The following RIMS3 variants were observed in gnomAD, a reference collection of about 807,000 sequenced individuals.
RIMS3 encodes the protein regulating synaptic membrane exocytosis 3.
Under a neutral mutation model 29.2 loss-of-function variants are expected in RIMS3, and 15 were observed. The ratio of observed to expected loss-of-function variants is 0.51; its 90% CI spans 0.34 to 0.79. RIMS3 has a LOEUF of 0.79. RIMS3 is among the 30% of genes least tolerant of loss of function. The pLI, the probability that RIMS3 is intolerant of heterozygous loss-of-function variation, is 0.01. For missense variants in RIMS3, 342 were observed against 421.4 expected, an observed-to-expected ratio of 0.81 and a Z score of 1.65; for synonymous variants, 161 against 170.1, an observed-to-expected ratio of 0.95 and a Z score of 0.41.
At chr1:40,651,256 T>C (rs2148355830) in intron 1 of RIMS3, among the ~76,000 whole-genome samples, 1 of 152,228 alleles carries the variant, frequency 6.6e-6, no homozygotes, top group South Asian at 2.1e-4. Context: ...ATATAACCAG[T>C]GTCCTTATAG....
intron 4 of RIMS3, among the ~76,000 whole-genome samples, chr1:40,633,810 C>A (rs1646504252): frequency 6.6e-6 from 1 of 152,192 alleles, no homozygotes; most frequent in Non-Finnish European, 1.5e-5. Context: ...TGGGTTATAT[C>A]TTTTAATCCT....
chr1:40,623,506 C>T lies in RIMS3; in HGVS notation c.*3011G>A, dbSNP rs1175635608. On this transcript the variant is annotated 3_prime_UTR_variant, in exon 8 of 8. Coordinates refer to ENST00000372684, the MANE Select transcript of RIMS3 (RefSeq NM_014747.3). ...TCTGCCATATGCACAGTGAACCTCG[C>T]CTGACCAGAGGAGGTGGAATGACAA... 1 of 398,546 alleles carries T rather than the reference C, an allele frequency of 2.5e-6. No individual in the cohort carries two copies. The highest frequency in any genetic ancestry group is 2.1e-5 in the African/African-American group (1 of 48,618). The allele number at this position is 398,546 out of a possible 1,614,324, so 24.7% of individuals were successfully genotyped here.
At chr1:40,638,703 A>G (rs1646537094) in intron 3 of RIMS3, among the ~76,000 whole-genome samples, 1 of 152,042 alleles carries the variant, frequency 6.6e-6, no homozygotes, top group South Asian at 2.1e-4. Context: ...GTGTAGACCC[A>G]GCCAATTGCC....
chr1:40,654,199 G>A lies in RIMS3; in HGVS notation c.-206-6357C>T, dbSNP rs533417749. Among the ~76,000 whole-genome samples the A allele has an allele frequency of 2.1e-5, 3 of 141,596 alleles. No homozygotes were observed. The highest frequency in any genetic ancestry group is 4.8e-4 in the East Asian group (2 of 4,166). The allele number at this position is 141,596 out of a possible 152,430, so 92.9% of individuals were successfully genotyped here. On this transcript the variant is annotated intron_variant, in intron 1 of 7. Coordinates refer to ENST00000372684, the MANE Select transcript of RIMS3 (RefSeq NM_014747.3). This position sits in a 1 kb window ranked among gnomAD's most constrained non-coding sequence, Gnocchi z 5.3. ...CCTCCCCCGCGCCGCTGACGAGGCCGGATCAATATTTCATGGGGGGAAGGG... is the reference window on the plus strand; with the variant it reads ...CCTCCCCCGCGCCGCTGACGAGGCCAGATCAATATTTCATGGGGGGAAGGG...
intron 1 of RIMS3, among the ~76,000 whole-genome samples, chr1:40,662,012 G>A (rs1486760224): frequency 2.0e-5 from 3 of 152,184 alleles, no homozygotes; most frequent in Non-Finnish European, 4.4e-5. Context: ...CGAGGCTGCT[G>A]CACAGGGAAA....
At chr1:40,640,513 G>A (rs982794651) in intron 3 of RIMS3, among the ~76,000 whole-genome samples, 2 of 152,266 alleles carry the variant, frequency 1.3e-5, no homozygotes, top group South Asian at 4.1e-4. Flanking sequence ...ATTCTCCCTG[G>A]ATCCTCCGGA....
In RIMS3 at chr1:40,623,775, A is replaced by G; in HGVS notation, c.*2742T>C. 1 of 369,456 alleles carries G rather than the reference A, an allele frequency of 2.7e-6. No individual in the cohort carries two copies. The highest frequency in any genetic ancestry group is 4.8e-6 in the Non-Finnish European group (1 of 208,224). 22.9% of individuals were successfully genotyped at this position (369,456 alleles called of 1,614,324 possible). A position where few individuals can be genotyped will look rare whatever the true frequency, so the allele number is the denominator to read the frequency against. ...CTAGGTCCAGAGTGGCTTTTCAGAC[A>G]AGCCCCTGCATCCATGATGCTGAGA... On this transcript the variant is annotated 3_prime_UTR_variant, in exon 8 of 8. Coordinates refer to ENST00000372684, the MANE Select transcript of RIMS3 (RefSeq NM_014747.3).
intron 1 of RIMS3, among the ~76,000 whole-genome samples, chr1:40,663,812 C>T (rs935112982): frequency 3.3e-5 from 5 of 152,182 alleles, no homozygotes; most frequent in South Asian, 4.1e-4. Flanking sequence ...GGCTCCTGCA[C>T]GCCCGCCCAG....
rs61334388 is a variant in RIMS3 at position 40,638,138 on chromosome 1, C to A, written c.218-2081G>T. Among the ~76,000 whole-genome samples the A allele has an allele frequency of 3.2e-3, 487 of 152,248 alleles. 2 individuals are homozygous for A. Among genetic ancestry groups the A allele is most frequent in the African/African-American group, 0.011 (450 of 41,538 alleles). On this transcript the variant is annotated intron_variant, in intron 3 of 7. Coordinates refer to ENST00000372684, the MANE Select transcript of RIMS3 (RefSeq NM_014747.3). ...AGAGATACTTTGGCTACCCCTCCCC[C>A]AAATTTCACAGATGGGAAGCCTGAG...
chr1:40,624,127 C>G lies in RIMS3; in HGVS notation c.*2390G>C, dbSNP rs766446222. 4 of 152,232 alleles carry G rather than the reference C, an allele frequency of 2.6e-5. No individual in the cohort carries two copies. The highest frequency in any genetic ancestry group is 5.9e-5 in the Non-Finnish European group (4 of 68,108). The allele number at this position is 152,232 out of a possible 1,614,324, so 9.4% of individuals were successfully genotyped here. ...AGGCAAGGGTCACCACGGCCTGGAA[C>G]CCCCAGTGGCAGGCCTCTCTGCAGG... On this transcript the variant is annotated 3_prime_UTR_variant, in exon 8 of 8. Coordinates refer to ENST00000372684, the MANE Select transcript of RIMS3 (RefSeq NM_014747.3).
chr1:40,673,439 C>T, the RIMS3 span: 4 of 152,232 alleles, frequency 2.6e-5, no homozygotes, highest in Non-Finnish European at 2.9e-5. Context: ...CTGGCCTCAT[C>T]TTCACATTCT....
At chr1:40,648,024 T>G (rs962471245) in intron 1 of RIMS3, among the ~76,000 whole-genome samples, 182 bp from the exon 2 acceptor site, 1 of 152,198 alleles carries the variant, frequency 6.6e-6, no homozygotes, top group African/African-American at 2.4e-5. Flanking sequence ...TGGGCCCCCT[T>G]AATGTTCCTT....
At position 40,654,721 on chromosome 1, in the gene RIMS3, G is replaced by A. The variant is rs964025783; in HGVS notation, c.-206-6879C>T. Among the ~76,000 whole-genome samples, 3 of 152,024 alleles carry A rather than the reference G, an allele frequency of 2.0e-5. No individual in the cohort carries two copies. Among genetic ancestry groups the A allele is most frequent in the African/African-American group, 7.2e-5 (3 of 41,386 alleles). On this transcript the variant is annotated intron_variant, in intron 1 of 7. Transcript: ENST00000372684. This position sits in a 1 kb window ranked among gnomAD's most constrained non-coding sequence, Gnocchi z 5.3. ...GCAGAGAACTGCAGACATATCGCAT[G>A]AAGATACATTCACCACAGACACACA...
At chr1:40,656,295 A>G (rs1379464920) in intron 1 of RIMS3, among the ~76,000 whole-genome samples, 2 of 152,242 alleles carry the variant, frequency 1.3e-5, no homozygotes, top group Admixed American at 6.5e-5. Context: ...ACTATTTTCA[A>G]TAGAAACCAT....
chr1:40,667,803 C>T (rs1234888741), upstream of RIMS3, among the ~76,000 whole-genome samples: 2 of 149,954 alleles, frequency 1.3e-5, no homozygotes, highest in Admixed American at 6.6e-5. Flanking sequence ...GAAATGGATC[C>T]AGCCCCACAA....
At chr1:40,671,963 G>A in the RIMS3 span, among the ~76,000 whole-genome samples, 15 of 151,786 alleles carry the variant, frequency 9.9e-5, 2 homozygotes, top group African/African-American at 3.4e-4. Flanking sequence ...TTACCATGTT[G>A]CCCAGGCTGG....
chr1:40,633,213 G>T (rs1199516537), intron 4 of RIMS3, 32 bp from the exon 5 acceptor site: 3 of 1,556,366 alleles, frequency 1.9e-6, no homozygotes, highest in Non-Finnish European at 2.7e-6. Context: ...CGCGTGAGGG[G>T]GTCAGGGCAA....
intron 1 of RIMS3, among the ~76,000 whole-genome samples, chr1:40,664,698 C>A (rs957208107): frequency 6.6e-6 from 1 of 152,178 alleles, no homozygotes; most frequent in Non-Finnish European, 1.5e-5. Context: ...AAGAAACCCA[C>A]TCCTCAGGGC....
chr1:40,632,582 C>T (rs963091646), intron 5 of RIMS3, among the ~76,000 whole-genome samples: 3 of 151,630 alleles, frequency 2.0e-5, no homozygotes, highest in African/African-American at 7.3e-5. Flanking sequence ...GGGTAGTACT[C>T]GGCACACAGC....
Sources: allele counts gnomAD v4.1 joint callset (sites outside exome capture counted in the v4.1 genomes callset), GRCh38; gene constraint gnomAD v4.1.1; non-coding constraint Gnocchi (gnomAD v3.1); transcripts MANE v1.5; gene names NCBI Gene and HGNC (gene_info 2026-07-23, HGNC 2026-07-21).